Variants in ARNT2 observed in about 807,000 individuals in gnomAD.
ARNT2 encodes ARNT protein 2.
In ARNT2, 36 loss-of-function variants were observed where a neutral mutation model predicts 91.7. That is an observed-to-expected ratio of 0.39 (90% CI 0.30 to 0.52). The LOEUF is 0.52. Among genes scored for constraint, ARNT2 ranks in the 20% least tolerant of loss-of-function variants. The probability of loss-of-function intolerance (pLI) is 0.72; values close to 1 mark genes in which losing one functional copy is unlikely to be tolerated. For synonymous variants in ARNT2, 365 were observed against 347.1 expected (o/e 1.05, Z -0.57); for missense variants, 775 against 939.3 (o/e 0.83, Z 2.29).
intron 8 of ARNT2, among the ~76,000 whole-genome samples, chr15:80,550,398 AGT>A (rs1898063453): frequency 2.0e-5 from 3 of 152,302 alleles, no homozygotes; most frequent in South Asian, 4.2e-4. Flanking sequence ...GGTCCGACCC[AGT>A]GTGGAAATAT....
chr15:80,592,091 C>T (rs1049875271), intron 18 of ARNT2, among the ~76,000 whole-genome samples: 7 of 152,178 alleles, frequency 4.6e-5, no homozygotes, highest in Non-Finnish European at 8.8e-5. Context: ...ACCGTAGCCC[C>T]CAGGATGTGG....
chr15:80,579,853 G>A (rs932929070), intron 15 of ARNT2, among the ~76,000 whole-genome samples: 9 of 152,186 alleles, frequency 5.9e-5, no homozygotes, highest in East Asian at 1.9e-4. Flanking sequence ...GAGTTAAGTC[G>A]AAGGTGAACT....
chr15:80,404,434 C>G lies in ARNT2; in HGVS notation c.-82C>G. ...GGCGGCGGCGGCGCCTGGGCCTGAC[C>G]GGGTCCCCGGGGCTGAGCGCCGGGC... On this transcript the variant is annotated 5_prime_UTR_variant, in exon 1 of 19. Coordinates refer to ENST00000303329, the MANE Select transcript of ARNT2 (RefSeq NM_014862.4). This position sits in a 1 kb window ranked among gnomAD's most constrained non-coding sequence, Gnocchi z 5.5. 1 of 986,268 alleles carries G rather than the reference C, an allele frequency of 1.0e-6. No individual in the cohort carries two copies. The highest frequency in any genetic ancestry group is 1.3e-6 in the Non-Finnish European group (1 of 798,108). 61.1% of individuals were successfully genotyped at this position (986,268 alleles called of 1,614,324 possible). A position where few individuals can be genotyped will look rare whatever the true frequency, so the allele number is the denominator to read the frequency against.
chr15:80,475,315 G>C, intron 5 of ARNT2, 92 bp downstream of exon 5: 10 of 1,328,432 alleles, frequency 7.5e-6, no homozygotes, highest in Admixed American at 1.9e-5. Context: ...AGTACTTTGG[G>C]AGGCTGAGGC....
At chr15:80,555,250 T>C in intron 11 of ARNT2, 111 bp downstream of exon 11, 1 of 1,141,724 alleles carries the variant, frequency 8.8e-7, no homozygotes, top group Admixed American at 1.9e-5. Context: ...AGGTCCTACC[T>C]ATGGCCTCAC....
chr15:80,565,789 A>G (rs1014504576), intron 12 of ARNT2, among the ~76,000 whole-genome samples: 4 of 151,920 alleles, frequency 2.6e-5, no homozygotes, highest in African/African-American at 9.7e-5. Flanking sequence ...TGTCTTTGTC[A>G]AATGCATAGT....
chr15:80,460,064 C>T (rs940212901), intron 3 of ARNT2, among the ~76,000 whole-genome samples: 5 of 152,184 alleles, frequency 3.3e-5, no homozygotes, highest in African/African-American at 1.2e-4. Context: ...TTGGCTTTTT[C>T]TCTTCTTACA....
chr15:80,438,956 T>A (rs1896141825), intron 1 of ARNT2, among the ~76,000 whole-genome samples: 1 of 152,250 alleles, frequency 6.6e-6, no homozygotes, highest in Non-Finnish European at 1.5e-5. Flanking sequence ...CCCAAAGTGT[T>A]GTCTCTTAAT....
At chr15:80,546,096 T>C (rs1566997829) in intron 8 of ARNT2, among the ~76,000 whole-genome samples, 2 of 152,248 alleles carry the variant, frequency 1.3e-5, no homozygotes, top group Admixed American at 1.3e-4. Flanking sequence ...CAGTAAGTGA[T>C]TGAGTTTTGC....
intron 8 of ARNT2, among the ~76,000 whole-genome samples, chr15:80,523,091 G>A (rs935523328): frequency 6.6e-6 from 1 of 152,010 alleles, no homozygotes; most frequent in African/African-American, 2.4e-5. Flanking sequence ...AATGTCATGG[G>A]GCTCCTTGTC....
At chr15:80,529,476 A>C (rs1379592692) in intron 8 of ARNT2, among the ~76,000 whole-genome samples, 1 of 149,656 alleles carries the variant, frequency 6.7e-6, no homozygotes, top group Non-Finnish European at 1.5e-5. Flanking sequence ...ACCAGCTTTT[A>C]TTATTTTTTT....
intron 1 of ARNT2, among the ~76,000 whole-genome samples, chr15:80,446,646 C>T (rs28752026): frequency 0.17 from 26,131 of 152,130 alleles, 2,287 homozygotes; most frequent in South Asian, 0.24. Context: ...CTGACCGGTC[C>T]CTGCCGAGTT....
intron 2 of ARNT2, among the ~76,000 whole-genome samples, chr15:80,454,151 A>G (rs1430634614): frequency 1.3e-5 from 2 of 152,228 alleles, no homozygotes; most frequent in African/African-American, 2.4e-5. Flanking sequence ...AGATTCTTTC[A>G]AAAGTGATTC....
Position 80,505,924 on chromosome 15 carries a change from G to GTTTTTTTTTTTTTTTTTTTTTTTTT in ARNT2, c.623-2230_623-2229insTTTTTTTTTTTTTTTTTTTTTTTTT, listed in dbSNP as rs1486880107. Among the ~76,000 whole-genome samples the GTTTTTTTTTTTTTTTTTTTTTTTTT allele has an allele frequency of 3.0e-4, 21 of 71,154 alleles. 2 individuals carry two copies. Among genetic ancestry groups the GTTTTTTTTTTTTTTTTTTTTTTTTT allele is most frequent in the African/African-American group, 1.4e-3 (21 of 15,206 alleles). 46.7% of individuals were successfully genotyped at this position (71,154 alleles called of 152,430 possible). A position where few individuals can be genotyped will look rare whatever the true frequency, so the allele number is the denominator to read the frequency against. The stretch of plus-strand genomic sequence containing the variant: ...AAAGAAAAAATGATTCCCAACATTT[G>GTTTTTTTTTTTTTTTTTTTTTTTTT]TTGTTTTTTTTTTTTTTTTTTTTGA... On this transcript the variant is annotated intron_variant, in intron 5 of 18. Coordinates refer to ENST00000303329, the MANE Select transcript of ARNT2 (RefSeq NM_014862.4).
At chr15:80,470,513 G>T in intron 4 of ARNT2, 82 bp downstream of exon 4, 1 of 1,467,342 alleles carries the variant, frequency 6.8e-7, no homozygotes, top group Non-Finnish European at 9.3e-7. Context: ...TGGGGAACCA[G>T]GGCTCAAGGT....
At chr15:80,412,210 A>G (rs1895691732) in intron 1 of ARNT2, among the ~76,000 whole-genome samples, 1 of 152,218 alleles carries the variant, frequency 6.6e-6, no homozygotes, top group African/African-American at 2.4e-5. Flanking sequence ...AAAATGCCAA[A>G]ATGTTTACAA....
In ARNT2 at chr15:80,579,757, C is replaced by G. The variant is rs901270954; in HGVS notation, c.1614-654C>G. ...GCCTGGTGGTACAGACAGTGCCTGC[C>G]GAGGAGCTAAGCAGGGTCAGAGATT... is the stretch of plus-strand genomic sequence containing the variant. On this transcript the variant is annotated intron_variant, in intron 15 of 18. Transcript: ENST00000303329. Among the ~76,000 whole-genome samples the G allele has an allele frequency of 1.2e-4, 18 of 152,112 alleles. 1 individual carries two copies. The highest frequency in any genetic ancestry group is 2.6e-4 in the Admixed American group (4 of 15,268).
At chr15:80,470,509 AC>A in intron 4 of ARNT2, 78 bp downstream of exon 4, 1 of 1,481,822 alleles carries the variant, frequency 6.7e-7, no homozygotes, top group Non-Finnish European at 9.2e-7. Context: ...TACGTGGGGA[AC>A]CAGGGCTCAA....
chr15:80,415,840 T>C (rs960053427), intron 1 of ARNT2, among the ~76,000 whole-genome samples: 1 of 152,138 alleles, frequency 6.6e-6, no homozygotes, highest in African/African-American at 2.4e-5. Flanking sequence ...GATCCAGATA[T>C]TTTGGGCTTT....
Sources: gnomAD v4.1 joint callset for allele counts (sites outside exome capture counted in the v4.1 genomes callset) on GRCh38, gnomAD v4.1.1 for gene constraint, Gnocchi (gnomAD v3.1) non-coding constraint, MANE v1.5 for transcripts, NCBI Gene and HGNC (gene_info 2026-07-23, HGNC 2026-07-21) for gene names.